MARCHF1: variants seen among roughly 807,000 people sequenced by gnomAD.
MARCHF1 encodes membrane associated ring-CH-type finger 1.
In MARCHF1, 40 loss-of-function variants were observed where a neutral mutation model predicts 54.2. That is an observed-to-expected ratio of 0.74 (90% CI 0.57 to 0.96). The LOEUF (loss-of-function observed/expected upper bound fraction) is 0.96. Among genes scored for constraint, MARCHF1 ranks in the 40% least tolerant of loss-of-function variants. The pLI is 0.00. For synonymous variants in MARCHF1, 236 were observed against 236.3 expected, an observed-to-expected ratio of 1.00 and a Z score of 0.01; for missense variants, 586 against 656.5, an observed-to-expected ratio of 0.89 and a Z score of 1.17.
chr4:163,639,479 CAT>C (rs1253367146), intron 5 of MARCHF1, among the ~76,000 whole-genome samples: 2 of 152,128 alleles, frequency 1.3e-5, no homozygotes, highest in African/African-American at 4.8e-5. Flanking sequence ...GTTTCCAACA[CAT>C]GTTCTTTATT....
chr4:164,211,413 C>T (rs1731771952), intron 1 of MARCHF1, among the ~76,000 whole-genome samples: 1 of 145,210 alleles, frequency 6.9e-6, no homozygotes, highest in Non-Finnish European at 1.5e-5. Context: ...TATATATATA[C>T]CAATTGCATA....
chr4:163,859,748 G>A (rs942669718), intron 3 of MARCHF1, among the ~76,000 whole-genome samples: 15 of 152,138 alleles, frequency 9.9e-5, no homozygotes, highest in Non-Finnish European at 1.5e-4. Flanking sequence ...AGGCTTCTAG[G>A]TAGGTAACTT....
At chr4:163,997,525 A>C (rs1753100975) in intron 2 of MARCHF1, among the ~76,000 whole-genome samples, 1 of 152,000 alleles carries the variant, frequency 6.6e-6, no homozygotes. Flanking sequence ...ACAATTAATA[A>C]ATTAATTCAA....
intron 3 of MARCHF1, among the ~76,000 whole-genome samples, chr4:163,943,400 G>T (rs953415235): frequency 6.6e-6 from 1 of 152,102 alleles, no homozygotes; most frequent in Admixed American, 6.6e-5. Flanking sequence ...TCAGTCTTCT[G>T]TGTATGGCTA....
At chr4:163,655,359 T>C (rs1743100942) in intron 5 of MARCHF1, among the ~76,000 whole-genome samples, 1 of 151,526 alleles carries the variant, frequency 6.6e-6, no homozygotes, top group Non-Finnish European at 1.5e-5. Context: ...TCTTGAAAAA[T>C]AATTTAACTG....
In MARCHF1 at chr4:164,153,368, T is replaced by C. The variant is rs1036053574; in HGVS notation, c.-322-41706A>G. Among the ~76,000 whole-genome samples the C allele has an allele frequency of 4.6e-5, 7 of 152,092 alleles. No homozygotes were observed. The East Asian group carries it at 1.3e-3, about 29-fold the overall frequency. On this transcript the variant is annotated intron_variant, in intron 1 of 9. Coordinates refer to ENST00000514618, the MANE Select transcript of MARCHF1 (RefSeq NM_001394959.1). ...TAACACATCTTATAGAAGGAATAAC[T>C]CAAACTCAAGTACCCATCCAGTGGA... is the stretch of plus-strand genomic sequence containing the variant.
chr4:164,363,233 G>T (rs1382727071), intron 1 of MARCHF1, among the ~76,000 whole-genome samples: 4 of 151,940 alleles, frequency 2.6e-5, no homozygotes. Context: ...GCAGAAACTG[G>T]GTAGACTAAG....
intron 8 of MARCHF1, among the ~76,000 whole-genome samples, chr4:163,554,097 C>T (rs1739204683): frequency 6.6e-6 from 1 of 152,080 alleles, no homozygotes; most frequent in Admixed American, 6.5e-5. Flanking sequence ...TGAGACACAC[C>T]AGTTGAGTAA....
At chr4:163,834,230 T>C (rs989231581) in intron 4 of MARCHF1, among the ~76,000 whole-genome samples, 2 of 151,404 alleles carry the variant, frequency 1.3e-5, no homozygotes, top group African/African-American at 4.9e-5. Context: ...TTTGAAGTTG[T>C]AACTTTAGGA....
At chr4:163,630,246 C>T (rs1742025210) in intron 5 of MARCHF1, among the ~76,000 whole-genome samples, 1 of 150,328 alleles carries the variant, frequency 6.7e-6, no homozygotes, top group Admixed American at 6.7e-5. Context: ...CAATAAAATA[C>T]TCCTCAGCAA....
chr4:163,766,735 A>G (rs1005902892), intron 4 of MARCHF1, among the ~76,000 whole-genome samples: 7 of 152,296 alleles, frequency 4.6e-5, no homozygotes, highest in African/African-American at 1.7e-4. Context: ...CAAAGAGACA[A>G]ACAAACATTT....
At position 163,700,822 on chromosome 4, in the gene MARCHF1, GTTAC is replaced by G. The variant is rs1295702118; in HGVS notation, c.149_152del (p.Ser50ThrfsTer52). The stretch of plus-strand genomic sequence containing the variant: ...TGAGTACTTCACCTACTTTTGAAAT[GTTAC>G]TTGATCGACTTGCAGATCGCCCTGG... On this transcript the variant is annotated frameshift_variant, in exon 5 of 10. Transcript: ENST00000514618. LOFTEE classifies it high-confidence loss of function. 6.5e-7 allele frequency: 1 copy of G among 1,535,986 alleles called. No individual in the cohort carries two copies. The highest frequency in any genetic ancestry group is 1.4e-5 in the African/African-American group (1 of 72,934).
chr4:164,282,601 A>G (rs1734052246), intron 1 of MARCHF1, among the ~76,000 whole-genome samples: 1 of 150,970 alleles, frequency 6.6e-6, no homozygotes, highest in South Asian at 2.1e-4. Context: ...CCTTGCCCCT[A>G]TTTCACTCAA....
intron 3 of MARCHF1, among the ~76,000 whole-genome samples, chr4:163,909,971 T>G (rs1751155121): frequency 6.6e-6 from 1 of 152,188 alleles, no homozygotes; most frequent in Non-Finnish European, 1.5e-5. Context: ...AAAACATTTA[T>G]CAACAATTTT....
chr4:163,850,447 C>T (rs1448039048), intron 4 of MARCHF1, among the ~76,000 whole-genome samples: 2 of 152,184 alleles, frequency 1.3e-5, no homozygotes, highest in Non-Finnish European at 2.9e-5. Context: ...ACCTTTTTGA[C>T]ATTTTAGCTT....
chr4:164,041,115 T>C (rs1272784917), intron 2 of MARCHF1, among the ~76,000 whole-genome samples: 1 of 152,158 alleles, frequency 6.6e-6, no homozygotes, highest in Non-Finnish European at 1.5e-5. Context: ...ATTGTGAAAC[T>C]GAAGCCAACT....
chr4:164,264,100 C>A (rs1452661000), intron 1 of MARCHF1, among the ~76,000 whole-genome samples: 2 of 152,162 alleles, frequency 1.3e-5, no homozygotes, highest in African/African-American at 4.8e-5. Flanking sequence ...TCTAAATGCC[C>A]ATCAATGACA....
chr4:164,071,101 T>G (rs1226703641), intron 2 of MARCHF1, among the ~76,000 whole-genome samples: 1 of 152,192 alleles, frequency 6.6e-6, no homozygotes, highest in Non-Finnish European at 1.5e-5. Context: ...CAGTTTCGAG[T>G]ATGTCTTTAT....
chr4:163,936,708 T>C (rs1340381346), intron 3 of MARCHF1, among the ~76,000 whole-genome samples: 5 of 152,224 alleles, frequency 3.3e-5, no homozygotes, highest in African/African-American at 7.2e-5. Flanking sequence ...CAGCTTGAGA[T>C]GTAAACCAAC....
Sources: gnomAD v4.1 joint callset for allele counts (sites outside exome capture counted in the v4.1 genomes callset) on GRCh38, gnomAD v4.1.1 for gene constraint, MANE v1.5 for transcripts, NCBI Gene and HGNC (gene_info 2026-07-23, HGNC 2026-07-21) for gene names.